SPOCK1: variants seen among roughly 807,000 people sequenced by gnomAD.
SPOCK1 encodes testican-1.
In SPOCK1, 23 loss-of-function variants were observed where a neutral mutation model predicts 55.3. The ratio of observed to expected loss-of-function variants is 0.42; its 90% CI spans 0.30 to 0.59. SPOCK1 has a LOEUF of 0.59. SPOCK1 is among the 20% of genes least tolerant of loss of function. SPOCK1 has a pLI of 0.22. For missense variants in SPOCK1, 499 were observed against 552.5 expected (o/e 0.90, Z 0.97); for synonymous variants, 226 against 221.0 (o/e 1.02, Z -0.20).
intron 3 of SPOCK1, among the ~76,000 whole-genome samples, chr5:137,187,742 T>C (rs773605879): frequency 6.6e-5 from 10 of 152,130 alleles, no homozygotes; most frequent in African/African-American, 9.7e-5. Context: ...AATATGTTAA[T>C]AGGAGAAATC....
At chr5:136,985,271 T>C in intron 8 of SPOCK1, 69 bp from the exon 9 acceptor site, 1 of 1,395,146 alleles carries the variant, frequency 7.2e-7, no homozygotes, top group Non-Finnish European at 1.0e-6. Flanking sequence ...TTGACTTCAC[T>C]CTTGATGTGA....
At chr5:137,083,267 A>AAT (rs1330880519) in intron 5 of SPOCK1, among the ~76,000 whole-genome samples, 31 of 152,174 alleles carry the variant, frequency 2.0e-4, no homozygotes, top group African/African-American at 6.3e-4. Context: ...CAGGGAAGCC[A>AAT]ATACATCAGC....
intron 6 of SPOCK1, among the ~76,000 whole-genome samples, chr5:137,031,869 G>A (rs1751785808): frequency 6.6e-6 from 1 of 151,916 alleles, no homozygotes; most frequent in Non-Finnish European, 1.5e-5. Context: ...TGTACATACA[G>A]TTCTAGCTTG....
intron 3 of SPOCK1, among the ~76,000 whole-genome samples, chr5:137,252,387 C>T (rs532323977): frequency 4.6e-4 from 70 of 152,266 alleles, no homozygotes; most frequent in African/African-American, 1.5e-3. Flanking sequence ...TACAGAGCAA[C>T]GGAGAAAAAC....
At chr5:137,479,097 G>T (rs2149841765) in intron 2 of SPOCK1, among the ~76,000 whole-genome samples, 1 of 151,542 alleles carries the variant, frequency 6.6e-6, no homozygotes, top group African/African-American at 2.4e-5. Context: ...CCGTGTAAGG[G>T]TATACTAGAT....
chr5:137,202,091 G>A (rs940152110), intron 3 of SPOCK1, among the ~76,000 whole-genome samples: 3 of 152,192 alleles, frequency 2.0e-5, no homozygotes, highest in Admixed American at 2.0e-4. Context: ...TCTGAGCAGA[G>A]CATGGGCTTT....
intron 3 of SPOCK1, among the ~76,000 whole-genome samples, chr5:137,169,066 G>A (rs562042077): frequency 3.3e-5 from 5 of 152,106 alleles, no homozygotes; most frequent in Admixed American, 6.6e-5. Context: ...TGGTCATTAC[G>A]TTAAGGGAAG....
chr5:137,011,714 G>T (rs1440535058), intron 6 of SPOCK1, among the ~76,000 whole-genome samples: 3 of 152,206 alleles, frequency 2.0e-5, no homozygotes, highest in Middle Eastern at 3.2e-3. Context: ...ATAAGCCACT[G>T]TTATGGACTT....
At chr5:137,249,818 A>C (rs1422472350) in intron 3 of SPOCK1, among the ~76,000 whole-genome samples, 1 of 152,242 alleles carries the variant, frequency 6.6e-6, no homozygotes, top group Non-Finnish European at 1.5e-5. Flanking sequence ...AAAATTTGAC[A>C]ATCTTCAAGA....
At chr5:137,196,719 A>G (rs1054795140) in intron 3 of SPOCK1, among the ~76,000 whole-genome samples, 10 of 152,150 alleles carry the variant, frequency 6.6e-5, no homozygotes, top group African/African-American at 1.9e-4. Context: ...CACTGTTTAA[A>G]ATTTACATTT....
intron 3 of SPOCK1, among the ~76,000 whole-genome samples, chr5:137,195,728 A>G (rs1358234006): frequency 6.6e-6 from 1 of 152,218 alleles, no homozygotes; most frequent in Admixed American, 6.5e-5. Context: ...CAGGTGACTC[A>G]GCCCAGGCAG....
At chr5:137,318,903 T>C (rs1757931958) in intron 2 of SPOCK1, among the ~76,000 whole-genome samples, 1 of 152,186 alleles carries the variant, frequency 6.6e-6, no homozygotes, top group Non-Finnish European at 1.5e-5. Flanking sequence ...CCTGCTTCTC[T>C]GTAGGAAATC....
At chr5:137,002,501 T>A (rs1751171628) in intron 6 of SPOCK1, among the ~76,000 whole-genome samples, 1 of 151,810 alleles carries the variant, frequency 6.6e-6, no homozygotes, top group African/African-American at 2.4e-5. Flanking sequence ...AAAAAATTAT[T>A]GGATATGCAA....
chr5:137,442,888 A>G (rs1753044299), intron 2 of SPOCK1, among the ~76,000 whole-genome samples: 3 of 152,230 alleles, frequency 2.0e-5, no homozygotes, highest in Admixed American at 1.3e-4. Context: ...CTTCTTGTCC[A>G]GGTCCCTGTC....
At chr5:137,202,664 A>G (rs1755447902) in intron 3 of SPOCK1, among the ~76,000 whole-genome samples, 1 of 152,262 alleles carries the variant, frequency 6.6e-6, no homozygotes. Context: ...TTAGGTGTTC[A>G]CAGGCTGAAA....
At chr5:137,324,534 C>G (rs1040832839) in intron 2 of SPOCK1, among the ~76,000 whole-genome samples, 7 of 152,134 alleles carry the variant, frequency 4.6e-5, no homozygotes, top group Non-Finnish European at 1.0e-4. Context: ...AGAGGAGATA[C>G]TGCATCATTC....
At chr5:137,412,252 AC>A (rs1176696355) in intron 2 of SPOCK1, among the ~76,000 whole-genome samples, 1 of 152,210 alleles carries the variant, frequency 6.6e-6, no homozygotes, top group Middle Eastern at 3.2e-3. Flanking sequence ...TACCTCACTG[AC>A]AAGGGGCAGG....
chr5:137,051,663 A>T (rs533580122), intron 6 of SPOCK1, among the ~76,000 whole-genome samples: 1 of 152,364 alleles, frequency 6.6e-6, no homozygotes, highest in Non-Finnish European at 1.5e-5. Context: ...TGAAGAATTC[A>T]TATCAAATTA....
chr5:137,079,945 T>TTTCTTCCCAA (rs58522139), intron 5 of SPOCK1, among the ~76,000 whole-genome samples: 53,950 of 151,652 alleles, frequency 0.36, 10,050 homozygotes, highest in East Asian at 0.49. Context: ...CCTCTAATAT[T>TTTCTTCCCAA]TTATAATTTA....
Sources: gnomAD v4.1 joint callset for allele counts (sites outside exome capture counted in the v4.1 genomes callset) on GRCh38, gnomAD v4.1.1 for gene constraint, MANE v1.5 for transcripts, NCBI Gene and HGNC (gene_info 2026-07-23, HGNC 2026-07-21) for gene names.